FAM216A: variants seen among roughly 807,000 people sequenced by gnomAD.
FAM216A encodes family with sequence similarity 216 member A, also known as protein FAM216A.
Under a neutral mutation model 37.6 loss-of-function variants are expected in FAM216A, and 26 were observed. The ratio of observed to expected loss-of-function variants is 0.69; its 90% CI spans 0.51 to 0.96. The LOEUF is 0.96. Ranked by LOEUF, FAM216A falls within the 40% of genes least tolerant of loss-of-function variation. The pLI, the probability that FAM216A is intolerant of heterozygous loss-of-function variation, is 0.00. For synonymous variants in FAM216A, 110 were observed against 121.7 expected (o/e 0.90, Z 0.64); for missense variants, 326 against 339.3 (o/e 0.96, Z 0.31).
intron 6 of FAM216A, among the ~76,000 whole-genome samples, chr12:110,489,813 T>G (rs2135559386): frequency 6.6e-6 from 1 of 152,286 alleles, no homozygotes; most frequent in South Asian, 2.1e-4. Flanking sequence ...CAAGAGAATT[T>G]GCTGTACAGT....
intron 2 of FAM216A, among the ~76,000 whole-genome samples, chr12:110,482,465 A>C (rs1356133154): frequency 6.6e-6 from 1 of 152,188 alleles, no homozygotes; most frequent in African/African-American, 2.4e-5. Context: ...CAACAGGTAC[A>C]TAATCAAATA....
chr12:110,478,346 G>C (rs1056633144), intron 2 of FAM216A, among the ~76,000 whole-genome samples: 3 of 152,124 alleles, frequency 2.0e-5, no homozygotes, highest in Non-Finnish European at 2.9e-5. Context: ...GCCTGTGGTA[G>C]GCAGCATGGT....
intron 1 of FAM216A, among the ~76,000 whole-genome samples, chr12:110,470,186 C>T (rs1185862402): frequency 6.6e-6 from 1 of 151,590 alleles, no homozygotes; most frequent in East Asian, 1.9e-4. Context: ...GCAAGCTCCG[C>T]CTCCCGGGTT....
intron 3 of FAM216A, 33 bp from the exon 4 acceptor site, chr12:110,486,292 G>A: frequency 1.3e-6 from 2 of 1,556,268 alleles, no homozygotes; most frequent in Non-Finnish European, 1.7e-6. Flanking sequence ...CTAATACAAT[G>A]CAGACTATAA....
intron 2 of FAM216A, among the ~76,000 whole-genome samples, chr12:110,481,224 T>C (rs986107331): frequency 5.9e-5 from 9 of 152,234 alleles, no homozygotes; most frequent in African/African-American, 2.2e-4. Context: ...AATGCTGCTA[T>C]GAGCATGGAT....
In FAM216A at chr12:110,486,623, A is replaced by G; in HGVS notation, c.526A>G (p.Arg176Gly). The G allele has an allele frequency of 6.2e-7, 1 of 1,614,170 alleles. No homozygotes were observed. Among genetic ancestry groups the G allele is most frequent in the Non-Finnish European group, 8.5e-7 (1 of 1,180,024 alleles). ...PCTTWRHQLE[R>G]EDSGSSDIAA... ...CACTACATGGCGACATCAACTGGAG[A>G]GAGAGGACTCGGGGTCTTCTGATAT... is the stretch of plus-strand genomic sequence containing the variant. Residue 176 changes from arginine (R) to glycine (G), a missense_variant, in exon 5 of 7, where the codon AGA (arginine) becomes GGA (glycine). Arg to Gly is a moderately radical substitution (Grantham distance 125). Transcript: ENST00000377673.
At chr12:110,480,994 G>T (rs181186751) in intron 2 of FAM216A, among the ~76,000 whole-genome samples, 2 of 151,920 alleles carry the variant, frequency 1.3e-5, no homozygotes, top group Non-Finnish European at 2.9e-5. Flanking sequence ...ATTTTCCTAG[G>T]TATCTCATAA....
At chr12:110,468,460 A>G (rs1259608734), upstream of FAM216A, 5 of 1,536,852 alleles carry the variant, frequency 3.3e-6, no homozygotes, top group African/African-American at 2.7e-5. Flanking sequence ...GATGCTGTCT[A>G]AGCTTGGATA....
chr12:110,481,787 T>A (rs2062748398), intron 2 of FAM216A, among the ~76,000 whole-genome samples: 1 of 152,200 alleles, frequency 6.6e-6, no homozygotes, highest in African/African-American at 2.4e-5. Context: ...ACAATTCATA[T>A]TCTTATATAA....
chr12:110,489,992 A>G lies in FAM216A; in HGVS notation c.704-27A>G, dbSNP rs749560242. 8.4e-6 allele frequency: 9 copies of G among 1,074,588 alleles called. No individual in the cohort carries two copies. In the South Asian group the frequency reaches 1.1e-4, roughly 13 times the overall value. The allele number at this position is 1,074,588 out of a possible 1,614,324, so 66.6% of individuals were successfully genotyped here. On this transcript the variant is annotated intron_variant, in intron 6 of 6. Transcript: ENST00000377673. The stretch of plus-strand genomic sequence containing the variant: ...TTAGAGCTTTATTTCCAAAACAGAC[A>G]ATTGTAAATTCTTATTTTTCCTTCA...
chr12:110,471,693 A>C (rs946849177), intron 1 of FAM216A, among the ~76,000 whole-genome samples: 1 of 152,364 alleles, frequency 6.6e-6, no homozygotes, highest in East Asian at 1.9e-4. Flanking sequence ...AGAATTAAGA[A>C]GTTGGAATAC....
chr12:110,470,757 C>G (rs1214112231), intron 1 of FAM216A, among the ~76,000 whole-genome samples: 1 of 152,006 alleles, frequency 6.6e-6, no homozygotes. Context: ...TTGTCCTTTC[C>G]TTTTATCTCC....
At chr12:110,469,641 C>G (rs1247722111) in intron 1 of FAM216A, among the ~76,000 whole-genome samples, 1 of 152,092 alleles carries the variant, frequency 6.6e-6, no homozygotes, top group Non-Finnish European at 1.5e-5. Flanking sequence ...TCCCGAGTAG[C>G]TGGGATTACA....
chr12:110,482,653 GGC>G (rs1281513896), intron 2 of FAM216A, among the ~76,000 whole-genome samples: 2 of 151,492 alleles, frequency 1.3e-5, no homozygotes, highest in Non-Finnish European at 2.9e-5. Flanking sequence ...AAATTAGCCG[GGC>G]GCAGTGGCGG....
intron 2 of FAM216A, among the ~76,000 whole-genome samples, chr12:110,477,433 A>G (rs1296580837): frequency 6.6e-6 from 1 of 151,874 alleles, no homozygotes; most frequent in African/African-American, 2.4e-5. Flanking sequence ...GCTTACTGCA[A>G]GCTCCGCCTC....
At chr12:110,475,721 CA>C (rs112122723) in intron 2 of FAM216A, among the ~76,000 whole-genome samples, 30,129 of 96,956 alleles carry the variant, frequency 0.31, 4,319 homozygotes, top group African/African-American at 0.52. Flanking sequence ...TCACCCCTGG[CA>C]AAAAAAAAAA....
upstream of FAM216A, chr12:110,468,430 T>G (rs1242189858): frequency 3.3e-6 from 5 of 1,534,764 alleles, no homozygotes; most frequent in South Asian, 5.9e-5. Context: ...CAAAAGTAGT[T>G]GATGGAAATC....
chr12:110,468,817 A>G, upstream of FAM216A: 1 of 1,460,492 alleles, frequency 6.8e-7, no homozygotes, highest in Non-Finnish European at 9.0e-7. Flanking sequence ...AGAAGCCAGC[A>G]TCCGAGCCGC....
At chr12:110,484,611 A>G (rs1224821751) in intron 2 of FAM216A, among the ~76,000 whole-genome samples, 1 of 151,832 alleles carries the variant, frequency 6.6e-6, no homozygotes, top group East Asian at 1.9e-4. Context: ...ATATATAAAT[A>G]AAATATTTAT....
Sources: allele counts gnomAD v4.1 joint callset (sites outside exome capture counted in the v4.1 genomes callset), GRCh38; gene constraint gnomAD v4.1.1; transcripts MANE v1.5; gene names NCBI Gene and HGNC (gene_info 2026-07-23, HGNC 2026-07-21).